The following ARNT2 variants were observed in gnomAD, a reference collection of about 807,000 sequenced individuals.
ARNT2 encodes the protein aryl hydrocarbon receptor nuclear translocator 2.
In ARNT2, 36 loss-of-function variants were observed where a neutral mutation model predicts 91.7. The ratio of observed to expected loss-of-function variants is 0.39; its 90% CI spans 0.30 to 0.52. The LOEUF (loss-of-function observed/expected upper bound fraction) is 0.52, where lower values mean the gene tolerates loss of function less well. ARNT2 is among the 20% of genes least tolerant of loss of function. The pLI is 0.72. For synonymous variants in ARNT2, 365 were observed against 347.1 expected, an observed-to-expected ratio of 1.05 and a Z score of -0.57; for missense variants, 775 against 939.3, an observed-to-expected ratio of 0.83 and a Z score of 2.29.
At chr15:80,515,011 T>A (rs1287576493) in intron 8 of ARNT2, among the ~76,000 whole-genome samples, 1 of 152,234 alleles carries the variant, frequency 6.6e-6, no homozygotes, top group African/African-American at 2.4e-5. Flanking sequence ...AGAGTGGCAA[T>A]TTGAAATGAT....
intron 5 of ARNT2, among the ~76,000 whole-genome samples, chr15:80,501,036 A>G (rs1433115203): frequency 6.6e-6 from 1 of 152,208 alleles, no homozygotes; most frequent in Non-Finnish European, 1.5e-5. Flanking sequence ...AGAATCAGTA[A>G]AGGTATTGAC....
chr15:80,433,458 G>A (rs1183526645), intron 1 of ARNT2, among the ~76,000 whole-genome samples: 2 of 151,556 alleles, frequency 1.3e-5, no homozygotes, highest in African/African-American at 4.8e-5. Context: ...GCTAATTTTT[G>A]TATTTTTAGT....
intron 1 of ARNT2, chr15:80,442,912 G>T (rs1055570860): frequency 3.0e-6 from 3 of 985,418 alleles, no homozygotes; most frequent in Non-Finnish European, 3.6e-6. Context: ...CTATTTTGAG[G>T]CAGTGACATC....
At chr15:80,425,718 T>G (rs1004454380) in intron 1 of ARNT2, among the ~76,000 whole-genome samples, 3 of 136,562 alleles carry the variant, frequency 2.2e-5, no homozygotes, top group Non-Finnish European at 4.5e-5. Flanking sequence ...TTTTGGAGTG[T>G]TTTTTTTTTG....
chr15:80,460,767 G>C (rs1362471609), intron 3 of ARNT2, among the ~76,000 whole-genome samples: 1 of 152,202 alleles, frequency 6.6e-6, no homozygotes, highest in East Asian at 1.9e-4. Flanking sequence ...AGATCAAAAA[G>C]GAAGGGGCTC....
intron 1 of ARNT2, chr15:80,434,293 T>C (rs1896054714): frequency 6.6e-6 from 1 of 152,134 alleles, no homozygotes; most frequent in South Asian, 2.1e-4. Context: ...GTTGACTGAG[T>C]CCTGACATTT....
rs1325192883 is a variant in ARNT2, at chr15:80,594,246, C to T, written c.*548C>T. 2 of 155,170 alleles carry T rather than the reference C, an allele frequency of 1.3e-5. No individual in the cohort carries two copies. Among genetic ancestry groups the T allele is most frequent in the African/African-American group, 4.8e-5 (2 of 41,504 alleles). 9.6% of individuals were successfully genotyped at this position (155,170 alleles called of 1,614,324 possible). A position where few individuals can be genotyped will look rare whatever the true frequency, so the allele number is the denominator to read the frequency against. The stretch of plus-strand genomic sequence containing the variant: ...CCTCAGCTCCGCTGGTCTGTCTGTG[C>T]ATCCACTGTGCCGTGGGACATATGT... On this transcript the variant is annotated 3_prime_UTR_variant, in exon 19 of 19. Transcript: ENST00000303329.
At chr15:80,549,624 G>C (rs1185491857) in intron 8 of ARNT2, among the ~76,000 whole-genome samples, 2 of 152,176 alleles carry the variant, frequency 1.3e-5, no homozygotes, top group African/African-American at 4.8e-5. Flanking sequence ...CTCATAATTA[G>C]AGAAATGCAA....
At chr15:80,434,857 T>C (rs1357332780) in intron 1 of ARNT2, among the ~76,000 whole-genome samples, 1 of 152,160 alleles carries the variant, frequency 6.6e-6, no homozygotes, top group Non-Finnish European at 1.5e-5. Flanking sequence ...GAAGTGGTAC[T>C]TTCATGGAAG....
intron 8 of ARNT2, among the ~76,000 whole-genome samples, chr15:80,522,134 A>AAAC (rs1897557679): frequency 6.6e-6 from 1 of 152,144 alleles, no homozygotes; most frequent in Non-Finnish European, 1.5e-5. Flanking sequence ...TCTTAAATGT[A>AAAC]AATAATAATA....
intron 1 of ARNT2, among the ~76,000 whole-genome samples, chr15:80,429,836 C>T (rs1895984488): frequency 6.6e-6 from 1 of 152,158 alleles, no homozygotes; most frequent in South Asian, 2.1e-4. Context: ...CGCCCACTGA[C>T]AGAGCCCCTG....
intron 8 of ARNT2, among the ~76,000 whole-genome samples, chr15:80,517,336 A>G (rs1483417355): frequency 6.6e-6 from 1 of 152,130 alleles, no homozygotes; most frequent in Non-Finnish European, 1.5e-5. Flanking sequence ...GTTCTTCTAT[A>G]GGTAGTGTGG....
intron 1 of ARNT2, among the ~76,000 whole-genome samples, chr15:80,428,686 G>A (rs546776859): frequency 6.6e-6 from 1 of 152,310 alleles, no homozygotes; most frequent in Non-Finnish European, 1.5e-5. Context: ...AGTGAATTCT[G>A]TCCTCTTCTG....
intron 3 of ARNT2, among the ~76,000 whole-genome samples, chr15:80,464,372 G>T (rs893306370): frequency 6.6e-5 from 10 of 152,156 alleles, no homozygotes; most frequent in Non-Finnish European, 1.5e-5. Flanking sequence ...AGAGTGCTTG[G>T]GAAGCTGTAA....
At chr15:80,516,388 TAGGG>T (rs1269886607) in intron 8 of ARNT2, among the ~76,000 whole-genome samples, 1 of 152,184 alleles carries the variant, frequency 6.6e-6, no homozygotes, top group African/African-American at 2.4e-5. Context: ...GCACATATGT[TAGGG>T]ATTGTTATAT....
At chr15:80,449,310 G>T (rs923540590) in intron 1 of ARNT2, among the ~76,000 whole-genome samples, 6 of 152,192 alleles carry the variant, frequency 3.9e-5, no homozygotes, top group African/African-American at 1.4e-4. Context: ...ATTGTCATCT[G>T]TCTTTGCTGT....
intron 15 of ARNT2, chr15:80,580,071 C>A: frequency 4.8e-6 from 1 of 208,396 alleles, no homozygotes; most frequent in Non-Finnish European, 9.7e-6. Flanking sequence ...AGAAGCTTCT[C>A]TCTTTCTGGG....
intron 11 of ARNT2, among the ~76,000 whole-genome samples, chr15:80,562,286 C>G (rs188268874): frequency 7.2e-5 from 11 of 152,084 alleles, no homozygotes; most frequent in Admixed American, 6.5e-4. Context: ...CAGGCTGGAG[C>G]ATATTTTCAA....
chr15:80,580,373 G>A, intron 15 of ARNT2, 38 bp from the exon 16 acceptor site: 1 of 1,612,662 alleles, frequency 6.2e-7, no homozygotes, highest in Non-Finnish European at 8.5e-7. Flanking sequence ...TGCAAACCAG[G>A]TGTGTCCTCG....
Sources: allele counts gnomAD v4.1 joint callset (sites outside exome capture counted in the v4.1 genomes callset), GRCh38; gene constraint gnomAD v4.1.1; transcripts MANE v1.5; gene names NCBI Gene and HGNC (gene_info 2026-07-23, HGNC 2026-07-21).